Variants in ACP6 observed in about 807,000 individuals in gnomAD.
The protein encoded by ACP6 is acid phosphatase 6, lysophosphatidic, also known as lysophosphatidic acid phosphatase type 6.
Under a neutral mutation model 48.1 loss-of-function variants are expected in ACP6, and 48 were observed. The observed-to-expected ratio is 1.00, with a 90% CI of 0.79 to 1.27. The LOEUF is 1.27. ACP6 is among the 50% of genes most tolerant of loss of function. ACP6 has a pLI of 0.00. For missense variants in ACP6, 485 were observed against 529.1 expected (o/e 0.92, Z 0.82); for synonymous variants, 172 against 204.2 (o/e 0.84, Z 1.34).
intron 6 of ACP6, 158 bp from the exon 7 acceptor site, chr1:147,652,707 G>T: frequency 6.7e-7 from 1 of 1,486,554 alleles, no homozygotes; most frequent in Non-Finnish European, 9.2e-7. Flanking sequence ...AAGAAGCTAT[G>T]TCTCTAAAGC....
chr1:147,659,092 A>G, intron 3 of ACP6, 53 bp from the exon 4 acceptor site: 1 of 1,503,388 alleles, frequency 6.7e-7, no homozygotes, highest in Non-Finnish European at 9.2e-7. Flanking sequence ...TTAATTATAT[A>G]CACTCTATTT....
At chr1:147,664,801 C>T (rs1430125951) in intron 1 of ACP6, among the ~76,000 whole-genome samples, 1 of 152,182 alleles carries the variant, frequency 6.6e-6, no homozygotes, top group Non-Finnish European at 1.5e-5. Flanking sequence ...CTGACATGTG[C>T]TGCAAGAAAC....
rs1214953757 is a variant in ACP6, at chr1:147,646,247, T to C, written c.*1176A>G. On this transcript the variant is annotated 3_prime_UTR_variant, in exon 10 of 10. Coordinates refer to ENST00000583509, the MANE Select transcript of ACP6 (RefSeq NM_016361.5). ...AGAAAACAAAGACAGATTTCTGATT[T>C]GGCAACTGGGTGGAGAGTGGAGGTG... 2.0e-5 allele frequency: 3 copies of C among 152,256 alleles called. No individual in the cohort carries two copies. Among genetic ancestry groups the C allele is most frequent in the Admixed American group, 6.5e-5 (1 of 15,276 alleles). 9.4% of individuals were successfully genotyped at this position (152,256 alleles called of 1,614,324 possible).
downstream of ACP6, among the ~76,000 whole-genome samples, chr1:147,639,950 A>C (rs2101645542): frequency 6.6e-6 from 1 of 152,062 alleles, no homozygotes; most frequent in African/African-American, 2.4e-5. Context: ...TATTCCTTTG[A>C]TTTCAAAGCA....
chr1:147,664,999 T>C (rs1660728201), intron 1 of ACP6, among the ~76,000 whole-genome samples: 1 of 152,216 alleles, frequency 6.6e-6, no homozygotes, highest in African/African-American at 2.4e-5. Context: ...GCAGAGATGG[T>C]AAAGAATGTG....
chr1:147,641,151 G>T (rs587621667), downstream of ACP6, among the ~76,000 whole-genome samples: 8 of 152,018 alleles, frequency 5.3e-5, no homozygotes, highest in African/African-American at 1.9e-4. Context: ...TGCCCTAGAG[G>T]ATTCCAGCTG....
downstream of ACP6, among the ~76,000 whole-genome samples, chr1:147,640,380 C>T (rs1229484706): frequency 1.3e-5 from 2 of 152,176 alleles, no homozygotes; most frequent in Non-Finnish European, 2.9e-5. Context: ...CAGGGGCAAG[C>T]CATCTAGGTC....
downstream of ACP6, among the ~76,000 whole-genome samples, chr1:147,638,948 C>T (rs1659372066): frequency 6.6e-6 from 1 of 152,194 alleles, no homozygotes; most frequent in Admixed American, 6.5e-5. Flanking sequence ...CCTTGACTTC[C>T]CACGCCCAAG....
At position 147,643,394 on chromosome 1, in the gene ACP6, T is replaced by C. The variant is rs1329744843; in HGVS notation, c.*4029A>G. On this transcript the variant is annotated 3_prime_UTR_variant, in exon 10 of 10. Coordinates refer to ENST00000583509, the MANE Select transcript of ACP6 (RefSeq NM_016361.5). ...AGGGGTTAAGATGTCAACATATGGATTTAGGGGGGACACAATTCAGCCCAT... is the reference window on the plus strand; with the variant it reads ...AGGGGTTAAGATGTCAACATATGGACTTAGGGGGGACACAATTCAGCCCAT... The C allele has an allele frequency of 6.6e-6, 1 of 152,150 alleles. No homozygotes were observed. The highest frequency in any genetic ancestry group is 1.9e-4 in the East Asian group (1 of 5,166). 9.4% of individuals were successfully genotyped at this position (152,150 alleles called of 1,614,324 possible). A position where few individuals can be genotyped will look rare whatever the true frequency, so the allele number is the denominator to read the frequency against.
At chr1:147,649,888 G>A in intron 8 of ACP6, 1 of 506,932 alleles carries the variant, frequency 2.0e-6, no homozygotes, top group Non-Finnish European at 3.4e-6. Context: ...ATTGGCTACT[G>A]TTTGACATAT....
chr1:147,662,366 C>G (rs1012211920), intron 1 of ACP6, among the ~76,000 whole-genome samples: 1 of 152,108 alleles, frequency 6.6e-6, no homozygotes, highest in Non-Finnish European at 1.5e-5. Flanking sequence ...TCTGATGAAT[C>G]TGGGCAAAGT....
At chr1:147,666,783 G>A (rs781835964) in intron 1 of ACP6, among the ~76,000 whole-genome samples, 35 of 152,178 alleles carry the variant, frequency 2.3e-4, no homozygotes, top group Non-Finnish European at 4.4e-4. Context: ...CCACGGTTAA[G>A]AACCATCGAT....
chr1:147,653,652 G>C (rs1211130650), intron 6 of ACP6, among the ~76,000 whole-genome samples: 1 of 152,132 alleles, frequency 6.6e-6, no homozygotes, highest in Non-Finnish European at 1.5e-5. Context: ...AGAGTGGGGA[G>C]GATCCTATAT....
At position 147,660,410 on chromosome 1, in the gene ACP6, C is replaced by T. The variant is rs375984489; in HGVS notation, c.220-635G>A. Among the ~76,000 whole-genome samples the T allele has an allele frequency of 4.6e-4, 70 of 152,326 alleles. No homozygotes were observed. In the South Asian group the frequency reaches 0.013, roughly 28 times the overall value. ...CAACTGTTCATAAAACTCTGACACT[C>T]ATTGAGTCAGATGTGAATACTTCAA... On this transcript the variant is annotated intron_variant, in intron 1 of 9. Coordinates refer to ENST00000583509, the MANE Select transcript of ACP6 (RefSeq NM_016361.5).
downstream of ACP6, among the ~76,000 whole-genome samples, chr1:147,641,825 C>T (rs587679959): frequency 6.6e-5 from 10 of 152,312 alleles, no homozygotes; most frequent in African/African-American, 2.4e-4. Context: ...GTACAAATCT[C>T]CTGCACACAC....
In ACP6 at chr1:147,632,264, C is replaced by A. The variant is rs587761636; in HGVS notation, c.461-1199G>T. On this transcript the variant is annotated intron_variant, in intron 5 of 5. Transcript: ENST00000609196. ...ACGACTCTGTTTGTATCCTTCATAG[C>A]AATTATGTATTTTATCTTGCCCACT... Among the ~76,000 whole-genome samples the A allele has an allele frequency of 2.0e-5, 3 of 151,646 alleles. No individual in the cohort carries two copies. In the South Asian group the frequency reaches 6.3e-4, roughly 32 times the overall value.
rs1661027983 is a variant in ACP6 at position 147,670,218 on chromosome 1, C to G, written c.-170G>C. The G allele has an allele frequency of 1.6e-6, 1 of 610,728 alleles. No individual in the cohort carries two copies. The highest frequency in any genetic ancestry group is 3.1e-5 in the Admixed American group (1 of 32,524). The allele number at this position is 610,728 out of a possible 1,614,324, so 37.8% of individuals were successfully genotyped here. On this transcript the variant is annotated 5_prime_UTR_variant, in exon 1 of 10. Coordinates refer to ENST00000583509, the MANE Select transcript of ACP6 (RefSeq NM_016361.5). Reference sequence around the variant, plus strand: ...TGTGCCTCCCGGCCCTGAGGGAGACCCCGAGTGGGAACGGGGGAGAGAACA... The same window carrying G: ...TGTGCCTCCCGGCCCTGAGGGAGACGCCGAGTGGGAACGGGGGAGAGAACA...
intron 1 of ACP6, among the ~76,000 whole-genome samples, chr1:147,661,140 G>A (rs1660525533): frequency 6.6e-6 from 1 of 152,050 alleles, no homozygotes; most frequent in East Asian, 1.9e-4. Flanking sequence ...TTTATGATTT[G>A]TTTTTCTTTT....
At position 147,668,510 on chromosome 1, in the gene ACP6, G is replaced by A. The variant is rs138777603; in HGVS notation, c.219+1320C>T. 6.2e-3 allele frequency among the ~76,000 whole-genome samples: 944 copies of A among 151,800 alleles called. 3 individuals are homozygous for A. The highest frequency in any genetic ancestry group is 8.9e-3 in the South Asian group (43 of 4,812). On this transcript the variant is annotated intron_variant, in intron 1 of 9. Transcript: ENST00000583509. ...CCACTGATAATTTTTTGTCTTCTAC[G>A]TGAATATAATATATATTCCTACATG...
Sources: allele counts gnomAD v4.1 joint callset (sites outside exome capture counted in the v4.1 genomes callset), GRCh38; gene constraint gnomAD v4.1.1; transcripts MANE v1.5; gene names NCBI Gene and HGNC (gene_info 2026-07-23, HGNC 2026-07-21).